VPS41: variants seen among roughly 807,000 people sequenced by gnomAD.
VPS41 encodes the protein vacuolar protein sorting-associated protein 41 homolog.
VPS41 carries 85 observed loss-of-function variants against 130.9 expected under a neutral mutation model. The observed-to-expected ratio is 0.65, with a 90% confidence interval of 0.55 to 0.78. The LOEUF is 0.78. VPS41 is among the 30% of genes least tolerant of loss of function. VPS41 has a pLI of 0.00. For missense variants in VPS41, 874 were observed against 1,018.7 expected, an observed-to-expected ratio of 0.86 and a Z score of 1.93; for synonymous variants, 335 against 332.9, an observed-to-expected ratio of 1.01 and a Z score of -0.07.
At chr7:38,765,746 C>A in intron 15 of VPS41, 85 bp from the exon 16 acceptor site, 1 of 840,806 alleles carries the variant, frequency 1.2e-6, no homozygotes, top group Admixed American at 2.7e-5. Flanking sequence ...TAGACATTTT[C>A]CCCAGAGGTT....
intron 7 of VPS41, among the ~76,000 whole-genome samples, chr7:38,808,734 A>G (rs1471449878): frequency 6.6e-6 from 1 of 152,230 alleles, no homozygotes; most frequent in Non-Finnish European, 1.5e-5. Flanking sequence ...AACACTGGAC[A>G]GGAGACAGAG....
chr7:38,898,955 GA>G (rs11313592), intron 1 of VPS41, among the ~76,000 whole-genome samples: 141,887 of 152,216 alleles, frequency 0.93, 66,285 homozygotes, highest in East Asian at 1. Flanking sequence ...CAAAGAACAA[GA>G]AAAAAATGGG....
At chr7:38,839,994 C>T (rs939971185) in intron 4 of VPS41, among the ~76,000 whole-genome samples, 16 of 152,172 alleles carry the variant, frequency 1.1e-4, no homozygotes, top group African/African-American at 3.4e-4. Context: ...CTCAGTGCTC[C>T]GGGGCCTCCC....
At chr7:38,906,056 G>A (rs567382580) in intron 1 of VPS41, among the ~76,000 whole-genome samples, 3 of 151,794 alleles carry the variant, frequency 2.0e-5, no homozygotes, top group Admixed American at 6.6e-5. Flanking sequence ...TCAGCCTCCC[G>A]AAGTGCTGGG....
chr7:38,898,114 C>A lies in VPS41; in HGVS notation c.37G>T (p.Glu13Ter). ...ACCTCAGACTCATCTGTAGATTCTT[C>A]AAGGGACCCAGTTTCCTATAAAGCA... The part of the protein sequence containing the change: ...EAEEQETGSL[E>*]ESTDESEEEE... Residue 13 changes from glutamate to a stop codon, truncating the protein, a stop_gained, in exon 2 of 29, where the codon GAA (glutamate) becomes TAA (stop). Transcript: ENST00000310301. LOFTEE classifies it high-confidence loss of function. 6.2e-7 allele frequency: 1 copy of A among 1,613,728 alleles called. No homozygotes were observed. Among genetic ancestry groups the A allele is most frequent in the Non-Finnish European group, 8.5e-7 (1 of 1,179,720 alleles).
intron 25 of VPS41, among the ~76,000 whole-genome samples, chr7:38,730,044 T>C (rs1198862216): frequency 6.6e-6 from 1 of 152,156 alleles, no homozygotes; most frequent in East Asian, 1.9e-4. Context: ...CTATGTGTCT[T>C]ATCATACGCA....
intron 4 of VPS41, among the ~76,000 whole-genome samples, chr7:38,836,834 A>C (rs1265011430): frequency 1.3e-5 from 2 of 152,182 alleles, no homozygotes; most frequent in Non-Finnish European, 2.9e-5. Context: ...AGGATACTCT[A>C]CTCATCTTAC....
At chr7:38,845,572 C>A (rs1785706101) in intron 4 of VPS41, among the ~76,000 whole-genome samples, 1 of 152,244 alleles carries the variant, frequency 6.6e-6, no homozygotes, top group Non-Finnish European at 1.5e-5. Flanking sequence ...TTCAGATCAA[C>A]ACCTTGGACA....
intron 4 of VPS41, among the ~76,000 whole-genome samples, chr7:38,845,552 C>A (rs1048151243): frequency 2.6e-5 from 4 of 152,188 alleles, no homozygotes; most frequent in Non-Finnish European, 4.4e-5. Flanking sequence ...AGTTAAATTT[C>A]TCTTAACAGT....
At chr7:38,734,002 C>T (rs1275190873) in intron 25 of VPS41, among the ~76,000 whole-genome samples, 1 of 152,186 alleles carries the variant, frequency 6.6e-6, no homozygotes, top group African/African-American at 2.4e-5. Context: ...GAAAGGATCA[C>T]TTGAGCCCGG....
chr7:38,742,068 G>A lies in VPS41; in HGVS notation c.2176C>T (p.Leu726=), dbSNP rs749264693. 3.7e-6 allele frequency: 6 copies of A among 1,613,062 alleles called. No individual in the cohort carries two copies. Among genetic ancestry groups the A allele is most frequent in the African/African-American group, 2.7e-5 (2 of 74,888 alleles). ...ATTCCTTCCTTAATACGGTGAATCA[G>A]TAGAATTGGGTCAACATGTGTGCCA... ...NIGTHVDPIL[L]IHRIKEGMEI... The change falls in exon 25 of 29, where the codon CTG becomes TTG. Residue 726 remains leucine, a synonymous_variant. Coordinates refer to ENST00000310301, the MANE Select transcript of VPS41 (RefSeq NM_014396.4).
chr7:38,734,498 C>A (rs1049381207), intron 25 of VPS41, among the ~76,000 whole-genome samples: 3 of 152,180 alleles, frequency 2.0e-5, no homozygotes, highest in Non-Finnish European at 4.4e-5. Flanking sequence ...ATTTACAACA[C>A]GACTGTTGAA....
rs180766881 is a variant in VPS41 at position 38,822,593 on chromosome 7, T to C, written c.322-1328A>G. Among the ~76,000 whole-genome samples the C allele has an allele frequency of 1.4e-4, 21 of 152,338 alleles. No homozygotes were observed. In the East Asian group the frequency reaches 3.9e-3, roughly 28 times the overall value. ...CATCTTCCATTGATGACCACTTAGGTTGTTTCCAGATTGGGGCTATCATGA... is the reference window on the plus strand; with the variant it reads ...CATCTTCCATTGATGACCACTTAGGCTGTTTCCAGATTGGGGCTATCATGA... On this transcript the variant is annotated intron_variant, in intron 5 of 28. Coordinates refer to ENST00000310301, the MANE Select transcript of VPS41 (RefSeq NM_014396.4).
intron 17 of VPS41, 56 bp downstream of exon 17, chr7:38,763,399 T>C: frequency 1.6e-6 from 2 of 1,260,272 alleles, no homozygotes; most frequent in African/African-American, 1.5e-5. Context: ...CCTTTCTAGA[T>C]TTCCTAACAC....
intron 4 of VPS41, among the ~76,000 whole-genome samples, chr7:38,830,605 G>T (rs1785368265): frequency 6.6e-6 from 1 of 152,158 alleles, no homozygotes; most frequent in Non-Finnish European, 1.5e-5. Flanking sequence ...AGTTGAATGT[G>T]GGATCTTCAA....
intron 6 of VPS41, among the ~76,000 whole-genome samples, chr7:38,820,022 C>T (rs1785139613): frequency 6.6e-6 from 1 of 152,154 alleles, no homozygotes; most frequent in Non-Finnish European, 1.5e-5. Flanking sequence ...CTAGCCATGT[C>T]CTTACTCAAA....
intron 25 of VPS41, among the ~76,000 whole-genome samples, chr7:38,735,958 A>AT (rs1056358050): frequency 1.3e-5 from 2 of 151,970 alleles, no homozygotes; most frequent in African/African-American, 2.4e-5. Flanking sequence ...ACAATTTGTC[A>AT]TTTTTTTTCT....
intron 4 of VPS41, among the ~76,000 whole-genome samples, chr7:38,842,409 TTAAAG>T (rs1785626970): frequency 6.6e-6 from 1 of 152,198 alleles, no homozygotes; most frequent in Non-Finnish European, 1.5e-5. Context: ...GCTACCCTGT[TTAAAG>T]TAAATTCCTT....
At chr7:38,889,477 C>T (rs1255022856) in intron 2 of VPS41, among the ~76,000 whole-genome samples, 1 of 147,940 alleles carries the variant, frequency 6.8e-6, no homozygotes, top group Non-Finnish European at 1.5e-5. Flanking sequence ...AGGGAAGTGG[C>T]ACAATATATC....
Sources: gnomAD v4.1 joint callset for allele counts (sites outside exome capture counted in the v4.1 genomes callset) on GRCh38, gnomAD v4.1.1 for gene constraint, MANE v1.5 for transcripts, NCBI Gene and HGNC (gene_info 2026-07-23, HGNC 2026-07-21) for gene names.